MYBPC1: variants seen among roughly 807,000 people sequenced by gnomAD.
MYBPC1 encodes myosin-binding protein C, slow-type.
A neutral mutation model predicts 147.1 loss-of-function variants in MYBPC1; 52 were observed. That is an observed-to-expected ratio of 0.35 (90% CI 0.28 to 0.45). The LOEUF is 0.45. Among genes scored for constraint, MYBPC1 ranks in the 20% least tolerant of loss-of-function variants. The pLI, the probability that MYBPC1 is intolerant of heterozygous loss-of-function variation, is 1.00. For synonymous variants in MYBPC1, 477 were observed against 475.9 expected (o/e 1.00, Z -0.03); for missense variants, 1,228 against 1,440.3 (o/e 0.85, Z 2.39).
chr12:101,597,838 C>T (rs1877972732), intron 1 of MYBPC1, among the ~76,000 whole-genome samples: 1 of 152,060 alleles, frequency 6.6e-6, no homozygotes, highest in Non-Finnish European at 1.5e-5. Context: ...AACCTAAGGC[C>T]TAGTACAATT....
At chr12:101,679,222 TA>T (rs1318569064) in intron 28 of MYBPC1, among the ~76,000 whole-genome samples, 2 of 151,862 alleles carry the variant, frequency 1.3e-5, no homozygotes, top group Admixed American at 6.6e-5. Flanking sequence ...AACTAATGTT[TA>T]CTTGGAAATG....
At chr12:101,661,099 CTT>C in intron 19 of MYBPC1, 57 bp from the exon 20 acceptor site, 1 of 1,103,860 alleles carries the variant, frequency 9.1e-7, no homozygotes, top group East Asian at 2.4e-5. Flanking sequence ...TTCCTATTAA[CTT>C]TTTTTTTCTA....
intron 15 of MYBPC1, among the ~76,000 whole-genome samples, chr12:101,650,193 A>G (rs1293177916): frequency 5.9e-5 from 9 of 152,074 alleles, no homozygotes; most frequent in Non-Finnish European, 8.8e-5. Context: ...CCATTCTGCT[A>G]TGATGTAACA....
chr12:101,606,907 C>T (rs1226675505), intron 1 of MYBPC1, among the ~76,000 whole-genome samples: 3 of 152,102 alleles, frequency 2.0e-5, no homozygotes, highest in Non-Finnish European at 4.4e-5. Flanking sequence ...TCACTGCAAC[C>T]TTCGCCTACC....
At chr12:101,609,311 A>T (rs1230586285) in intron 1 of MYBPC1, among the ~76,000 whole-genome samples, 1 of 152,008 alleles carries the variant, frequency 6.6e-6, no homozygotes, top group Non-Finnish European at 1.5e-5. Flanking sequence ...TTTTTTCTGG[A>T]GATGGGGTCT....
In MYBPC1 at chr12:101,670,309, A is replaced by G. The variant is rs751438121; in HGVS notation, c.2525-12A>G. 1.2e-6 allele frequency: 2 copies of G among 1,609,514 alleles called. No individual in the cohort carries two copies. Among genetic ancestry groups the G allele is most frequent in the African/African-American group, 2.7e-5 (2 of 74,770 alleles). ...ACTGATTGCAAAATTGTGCTATTTT[A>G]CCCTCTCTCAGAACCTCCAAAGATT... On this transcript the variant is annotated splice_polypyrimidine_tract_variant and intron_variant, in intron 23 of 31. Coordinates refer to ENST00000361466, the MANE Select transcript of MYBPC1 (RefSeq NM_002465.4).
chr12:101,683,701 C>A (rs1209463491), intron 30 of MYBPC1, among the ~76,000 whole-genome samples: 2 of 152,078 alleles, frequency 1.3e-5, no homozygotes, highest in African/African-American at 2.4e-5. Context: ...GGGTATGCAA[C>A]CTGATAAAAA....
At chr12:101,595,673 A>G (rs964293642) in intron 1 of MYBPC1, among the ~76,000 whole-genome samples, 1 of 152,130 alleles carries the variant, frequency 6.6e-6, no homozygotes, top group Non-Finnish European at 1.5e-5. Flanking sequence ...AGAAAACCAA[A>G]CACCTGATAA....
At chr12:101,663,934 G>C (rs935908121) in intron 22 of MYBPC1, among the ~76,000 whole-genome samples, 1 of 152,252 alleles carries the variant, frequency 6.6e-6, no homozygotes, top group Admixed American at 6.5e-5. Context: ...CCTATAATGA[G>C]CTGAAGTTAA....
At chr12:101,668,966 G>C (rs547621944) in intron 23 of MYBPC1, among the ~76,000 whole-genome samples, 2 of 151,944 alleles carry the variant, frequency 1.3e-5, no homozygotes, top group African/African-American at 4.8e-5. Flanking sequence ...ACACGCCTGT[G>C]GTCCCAGCTA....
intron 1 of MYBPC1, among the ~76,000 whole-genome samples, chr12:101,596,510 A>G (rs1877312709): frequency 1.3e-5 from 2 of 152,200 alleles, no homozygotes; most frequent in East Asian, 3.8e-4. Context: ...TGGAAACACA[A>G]TATTGTTTTA....
chr12:101,634,144 C>T (rs933270805), intron 8 of MYBPC1, among the ~76,000 whole-genome samples: 2 of 152,136 alleles, frequency 1.3e-5, no homozygotes, highest in African/African-American at 4.8e-5. Flanking sequence ...TCGTGATCCG[C>T]CCGCCTCGGC....
rs1344663785 is a variant in MYBPC1, at chr12:101,642,551, C to A, written c.798C>A (p.Leu266=). 2.5e-6 allele frequency: 4 copies of A among 1,612,902 alleles called. No individual in the cohort carries two copies. The highest frequency in any genetic ancestry group is 3.4e-6 in the Non-Finnish European group (4 of 1,179,548). The stretch of plus-strand genomic sequence containing the variant: ...ACCTGCGCGGCATGCTCAAGCGACT[C>A]AAGCGCATGCGCAGAGAGGAGAAGA... ...ITDLRGMLKR[L]KRMRREEKKS... is the part of the protein sequence containing the mutation. Residue 266 remains leucine (L), a synonymous_variant, in exon 11 of 32, where the codon CTC becomes CTA. Transcript: ENST00000361466.
At chr12:101,598,714 C>A (rs1878533175) in intron 1 of MYBPC1, among the ~76,000 whole-genome samples, 1 of 152,174 alleles carries the variant, frequency 6.6e-6, no homozygotes, top group Non-Finnish European at 1.5e-5. Flanking sequence ...GCTAGGACCA[C>A]AGATGCATGC....
At chr12:101,614,777 C>T in intron 2 of MYBPC1, 1 of 567,974 alleles carries the variant, frequency 1.8e-6, no homozygotes, top group Non-Finnish European at 3.1e-6. Context: ...TCTTATGAAA[C>T]CTTTCAAATT....
At chr12:101,642,634 C>A (rs767469956) in intron 11 of MYBPC1, 49 bp downstream of exon 11, 1 of 1,569,268 alleles carries the variant, frequency 6.4e-7, no homozygotes, top group South Asian at 1.2e-5. Flanking sequence ...TGGCAGCGTT[C>A]GAAAGCCTTG....
intron 14 of MYBPC1, among the ~76,000 whole-genome samples, chr12:101,649,046 T>A (rs1458327205): frequency 6.6e-6 from 1 of 152,222 alleles, no homozygotes. Context: ...GTGGCTCGTG[T>A]TCTTTTAACA....
intron 1 of MYBPC1, among the ~76,000 whole-genome samples, chr12:101,598,093 C>T (rs1481243182): frequency 6.6e-6 from 1 of 150,404 alleles, no homozygotes; most frequent in African/African-American, 2.4e-5. Context: ...AGTCTCCGCT[C>T]ACTGCAGCCT....
intron 25 of MYBPC1, among the ~76,000 whole-genome samples, chr12:101,674,933 CATT>C (rs1899585483): frequency 1.3e-5 from 2 of 148,586 alleles, no homozygotes; most frequent in African/African-American, 5.0e-5. Flanking sequence ...TGTTTCCAAT[CATT>C]GTTATCATTG....
Sources: allele counts gnomAD v4.1 joint callset (sites outside exome capture counted in the v4.1 genomes callset), GRCh38; gene constraint gnomAD v4.1.1; transcripts MANE v1.5; gene names NCBI Gene and HGNC (gene_info 2026-07-23, HGNC 2026-07-21).